Variants in STAM observed in about 807,000 individuals in gnomAD.
STAM encodes the protein signal transducing adapter molecule 1.
In STAM, 16 loss-of-function variants were observed where a neutral mutation model predicts 63.4. That is an observed-to-expected ratio of 0.25 (90% CI 0.17 to 0.38). The LOEUF is 0.38. Among genes scored for constraint, STAM ranks in the 10% least tolerant of loss-of-function variants. The pLI, the probability that STAM is intolerant of heterozygous loss-of-function variation, is 1.00. For missense variants in STAM, 636 were observed against 657.1 expected (o/e 0.97, Z 0.35); for synonymous variants, 238 against 223.9 (o/e 1.06, Z -0.56).
rs188646940 is a variant in STAM, at chr10:17,662,902, C to G, written c.125+2354C>G. Among the ~76,000 whole-genome samples, 640 of 152,236 alleles carry G rather than the reference C, an allele frequency of 4.2e-3. 7 individuals are homozygous for G. Among genetic ancestry groups the G allele is most frequent in the African/African-American group, 0.015 (621 of 41,552 alleles). On this transcript the variant is annotated intron_variant, in intron 2 of 13. Transcript: ENST00000377524. The stretch of plus-strand genomic sequence containing the variant: ...TTGAAGACTGGGCACCAAGCTAGAC[C>G]ACTTCATGTGCATTTTGGAGATAAA...
intron 7 of STAM, among the ~76,000 whole-genome samples, chr10:17,696,422 T>G (rs561964941): frequency 1.3e-5 from 2 of 152,264 alleles, no homozygotes; most frequent in Admixed American, 1.3e-4. Context: ...GAATGGAGAC[T>G]GAAAATAAGA....
chr10:17,671,242 A>G (rs1436309203), intron 2 of STAM, among the ~76,000 whole-genome samples: 2 of 152,242 alleles, frequency 1.3e-5, no homozygotes, highest in Non-Finnish European at 2.9e-5. Context: ...AAACCACAGT[A>G]AAGCTTTTTT....
At chr10:17,671,312 C>T (rs1448965284) in intron 2 of STAM, among the ~76,000 whole-genome samples, 1 of 152,158 alleles carries the variant, frequency 6.6e-6, no homozygotes, top group Non-Finnish European at 1.5e-5. Context: ...TTGAAAGCTA[C>T]AGTTGTAAAA....
chr10:17,684,436 T>C (rs1386815847), intron 2 of STAM, among the ~76,000 whole-genome samples: 1 of 152,016 alleles, frequency 6.6e-6, no homozygotes, highest in African/African-American at 2.4e-5. Context: ...TTTTTTTTCC[T>C]ACCCAGAATT....
At chr10:17,644,868 T>C (rs1356082042) in intron 1 of STAM, among the ~76,000 whole-genome samples, 1 of 152,182 alleles carries the variant, frequency 6.6e-6, no homozygotes, top group Non-Finnish European at 1.5e-5. Context: ...GAGGGAGCTC[T>C]GGTTAAGGGT....
At chr10:17,704,873 T>A in intron 10 of STAM, 97 bp from the exon 11 acceptor site, 7 of 1,070,398 alleles carry the variant, frequency 6.5e-6, no homozygotes, top group Non-Finnish European at 9.6e-6. Flanking sequence ...TACTCCAAAT[T>A]AAATCTTTTA....
chr10:17,711,191 G>T (rs1289312751), intron 13 of STAM, among the ~76,000 whole-genome samples: 3 of 152,092 alleles, frequency 2.0e-5, no homozygotes, highest in African/African-American at 7.2e-5. Context: ...ATAAAATTTT[G>T]GTGTTAAAGC....
chr10:17,659,309 A>G (rs1554822553), intron 1 of STAM, among the ~76,000 whole-genome samples: 1 of 152,062 alleles, frequency 6.6e-6, no homozygotes, highest in African/African-American at 2.4e-5. Context: ...CATACATAAG[A>G]ATATCAGAAT....
chr10:17,684,523 TAC>T (rs1227463535), intron 2 of STAM, 150 bp from the exon 3 acceptor site: 4 of 523,926 alleles, frequency 7.6e-6, no homozygotes, highest in Non-Finnish European at 1.3e-5. Flanking sequence ...GGAACTAGTT[TAC>T]AGTTTTTCAA....
chr10:17,699,432 G>A (rs1265531896), intron 8 of STAM, among the ~76,000 whole-genome samples: 6 of 152,130 alleles, frequency 3.9e-5, no homozygotes, highest in African/African-American at 1.4e-4. Context: ...TAGTAGAGTT[G>A]TATATGCCTT....
intron 2 of STAM, among the ~76,000 whole-genome samples, chr10:17,682,234 G>A (rs111847376): frequency 6.6e-6 from 1 of 152,176 alleles, no homozygotes; most frequent in Non-Finnish European, 1.5e-5. Context: ...AAATGAAATA[G>A]TATTGTCAGT....
chr10:17,663,005 G>A (rs965576058), intron 2 of STAM, among the ~76,000 whole-genome samples: 7 of 151,972 alleles, frequency 4.6e-5, no homozygotes, highest in African/African-American at 1.5e-4. Flanking sequence ...TCTTTACTTC[G>A]GTGTTTTTCA....
At chr10:17,659,414 T>A (rs1461275873) in intron 1 of STAM, among the ~76,000 whole-genome samples, 1 of 149,970 alleles carries the variant, frequency 6.7e-6, no homozygotes. Context: ...AAAATAAAAA[T>A]AAAAGTTATT....
intron 2 of STAM, among the ~76,000 whole-genome samples, chr10:17,676,193 C>T (rs546245951): frequency 3.9e-5 from 6 of 152,218 alleles, no homozygotes; most frequent in Middle Eastern, 3.4e-3. Flanking sequence ...GGAAGGTTCA[C>T]GACTTAATTT....
At chr10:17,676,903 A>T (rs1257133272) in intron 2 of STAM, among the ~76,000 whole-genome samples, 1 of 151,986 alleles carries the variant, frequency 6.6e-6, no homozygotes, top group Non-Finnish European at 1.5e-5. Context: ...ATACATATAT[A>T]TATATATAAA....
At chr10:17,671,083 A>G (rs1011926314) in intron 2 of STAM, among the ~76,000 whole-genome samples, 1 of 152,192 alleles carries the variant, frequency 6.6e-6, no homozygotes, top group Non-Finnish European at 1.5e-5. Context: ...ATTTCTAAAA[A>G]TATTTAGTTC....
intron 2 of STAM, among the ~76,000 whole-genome samples, chr10:17,671,748 T>G (rs1396451447): frequency 1.3e-5 from 2 of 152,240 alleles, no homozygotes; most frequent in African/African-American, 4.8e-5. Flanking sequence ...TTGCTATTGA[T>G]AATTTTTGTT....
At position 17,660,032 on chromosome 10, in the gene STAM, T is replaced by G. The variant is rs111808166; in HGVS notation, c.41-432T>G. ...CAAAACTTGGTTTTCTTTCCTTCAG[T>G]CCCCTCTCCATATTATCAAAAAAAA... On this transcript the variant is annotated intron_variant, in intron 1 of 13. Transcript: ENST00000377524. Among the ~76,000 whole-genome samples, 1,239 of 151,174 alleles carry G rather than the reference T, an allele frequency of 8.2e-3. 16 individuals are homozygous for G. The highest frequency in any genetic ancestry group is 0.029 in the African/African-American group (1,186 of 41,046).
chr10:17,707,927 G>T (rs1836368989), intron 12 of STAM, among the ~76,000 whole-genome samples: 1 of 146,992 alleles, frequency 6.8e-6, no homozygotes, highest in Non-Finnish European at 1.5e-5. Flanking sequence ...GTCTTGCTTT[G>T]TCGCCCAGGC....
Sources: gnomAD v4.1 joint callset for allele counts (sites outside exome capture counted in the v4.1 genomes callset) on GRCh38, gnomAD v4.1.1 for gene constraint, MANE v1.5 for transcripts, NCBI Gene and HGNC (gene_info 2026-07-23, HGNC 2026-07-21) for gene names.